Variants in PCDHGB2 observed in about 807,000 individuals in gnomAD.
PCDHGB2 encodes protocadherin gamma subfamily B, 2.
Under a neutral mutation model 59.3 loss-of-function variants are expected in PCDHGB2, and 55 were observed. The ratio of observed to expected loss-of-function variants is 0.93; its 90% confidence interval spans 0.75 to 1.16. The LOEUF is 1.16. PCDHGB2 is among the 50% of genes most tolerant of loss of function. PCDHGB2 has a pLI of 0.00. For synonymous variants in PCDHGB2, 516 were observed against 512.0 expected, an observed-to-expected ratio of 1.01 and a Z score of -0.11; for missense variants, 1,228 against 1,198.5, an observed-to-expected ratio of 1.02 and a Z score of -0.36.
intron 2 of PCDHGB2, among the ~76,000 whole-genome samples, chr5:141,497,248 G>A (rs1442942520): frequency 6.6e-6 from 1 of 152,128 alleles, no homozygotes; most frequent in African/African-American, 2.4e-5. Context: ...AGGAGGAGGT[G>A]ACATTGAGAA....
In PCDHGB2 at chr5:141,486,001, C is replaced by T. The variant is rs771993915; in HGVS notation, c.2422-8806C>T. ...ACCCGGACCTGGGTCCCAGTGGTAA[C>T]GTCACCTTTTATTTCAGTGGTCATA... On this transcript the variant is annotated intron_variant, in intron 1 of 3. Coordinates refer to ENST00000522605, the MANE Select transcript of PCDHGB2 (RefSeq NM_018923.3). This position sits in a 1 kb window ranked among gnomAD's most constrained non-coding sequence, Gnocchi z 5.0. The T allele has an allele frequency of 2.5e-6, 4 of 1,614,076 alleles. No homozygotes were observed. The highest frequency in any genetic ancestry group is 8.5e-7 in the Non-Finnish European group (1 of 1,180,032).
Position 141,414,286 on chromosome 5 carries a change from G to A in PCDHGB2, c.2421+51730G>A, listed in dbSNP as rs2095728607. ...AGATTCACCTCTGGGAACAGTCGTA[G>A]CCCTTTTAAATGTGCATGATTTAGA... On this transcript the variant is annotated intron_variant, in intron 1 of 3. Coordinates refer to ENST00000522605, the MANE Select transcript of PCDHGB2 (RefSeq NM_018923.3). 1.9e-6 allele frequency: 3 copies of A among 1,613,586 alleles called. No individual in the cohort carries two copies. The highest frequency in any genetic ancestry group is 2.5e-6 in the Non-Finnish European group (3 of 1,179,770).
In PCDHGB2 at chr5:141,360,061, T is replaced by A; in HGVS notation, c.-75T>A. 1 of 1,452,308 alleles carries A rather than the reference T, an allele frequency of 6.9e-7. No individual in the cohort carries two copies. Among genetic ancestry groups the A allele is most frequent in the Non-Finnish European group, 9.1e-7 (1 of 1,098,910 alleles). 90.0% of individuals were successfully genotyped at this position (1,452,308 alleles called of 1,614,324 possible). A position where few individuals can be genotyped will look rare whatever the true frequency, so the allele number is the denominator to read the frequency against. On this transcript the variant is annotated 5_prime_UTR_variant, in exon 1 of 4. Coordinates refer to ENST00000522605, the MANE Select transcript of PCDHGB2 (RefSeq NM_018923.3). ...AAACAGAAAACAAAAGCAGGAAAAG[T>A]GACCTTAGCCCGGATTCTGCCATCC...
Position 141,375,778 on chromosome 5 carries a change from C to G in PCDHGB2, c.2421+13222C>G. Reference sequence around the variant, plus strand: ...ACAATGCGCCCGAGATCCTGTACCCCGCCCTCCCCACAGACGGTTCCACTG... The same window carrying G: ...ACAATGCGCCCGAGATCCTGTACCCGGCCCTCCCCACAGACGGTTCCACTG... On this transcript the variant is annotated intron_variant, in intron 1 of 3. Coordinates refer to ENST00000522605, the MANE Select transcript of PCDHGB2 (RefSeq NM_018923.3). The G allele has an allele frequency of 1.9e-6, 3 of 1,614,242 alleles. No homozygotes were observed. The African/African-American group carries it at 4.0e-5, about 22-fold the overall frequency.
intron 1 of PCDHGB2, among the ~76,000 whole-genome samples, chr5:141,380,098 C>T (rs1242678914): frequency 1.3e-5 from 2 of 151,806 alleles, no homozygotes; most frequent in African/African-American, 4.8e-5. Context: ...TGGGGTTTTA[C>T]CATGATGGCC....
chr5:141,476,446 G>A lies in PCDHGB2; in HGVS notation c.2422-18361G>A. On this transcript the variant is annotated intron_variant, in intron 1 of 3. Transcript: ENST00000522605. This position sits in a 1 kb window ranked among gnomAD's most constrained non-coding sequence, Gnocchi z 7.6. Reference sequence around the variant, plus strand: ...CCTCTTGCACTGTAACTCTGGAGTTGGTAGTGGAGAACCCGCTGGAGCTGT... The same window carrying A: ...CCTCTTGCACTGTAACTCTGGAGTTAGTAGTGGAGAACCCGCTGGAGCTGT... 6.2e-7 allele frequency: 1 copy of A among 1,614,144 alleles called. No homozygotes were observed. Among genetic ancestry groups the A allele is most frequent in the South Asian group, 1.1e-5 (1 of 91,072 alleles).
chr5:141,412,343 A>T (rs928223487), intron 1 of PCDHGB2: 2 of 152,166 alleles, frequency 1.3e-5, no homozygotes, highest in African/African-American at 4.8e-5. Context: ...ATATATGTTC[A>T]TTTTAGTTTG....
At position 141,431,248 on chromosome 5, in the gene PCDHGB2, G is replaced by T. The variant is rs1213088915; in HGVS notation, c.2422-63559G>T. ...CCCACGCCTGGGATCCGGATATCGG[G>T]AAGAACTCTCTGCAGAGCTACGAGC... On this transcript the variant is annotated intron_variant, in intron 1 of 3. Coordinates refer to ENST00000522605, the MANE Select transcript of PCDHGB2 (RefSeq NM_018923.3). The surrounding 1 kb of genome is among the most constrained non-coding windows in gnomAD (Gnocchi z 4.8). 6.2e-7 allele frequency: 1 copy of T among 1,614,022 alleles called. No individual in the cohort carries two copies. The highest frequency in any genetic ancestry group is 8.5e-7 in the Non-Finnish European group (1 of 1,180,056).
chr5:141,483,661 T>TGTGTGA (rs1357903548), intron 1 of PCDHGB2, among the ~76,000 whole-genome samples: 7 of 152,042 alleles, frequency 4.6e-5, no homozygotes, highest in African/African-American at 1.7e-4. Context: ...TGTGTGTGTG[T>TGTGTGA]GTGTGTGTAA....
At chr5:141,379,148 C>A (rs1775403253) in intron 1 of PCDHGB2, 1 of 152,174 alleles carries the variant, frequency 6.6e-6, no homozygotes, top group East Asian at 1.9e-4. Flanking sequence ...TCCTTTGTAA[C>A]CTGACTTTGT....
chr5:141,491,500 G>A lies in PCDHGB2; in HGVS notation c.2422-3307G>A. ...CAGCCCCAACCTGCAGGTGAGCTCG[G>A]ACGGCACGCTCAAGTACATGGAGGT... On this transcript the variant is annotated intron_variant, in intron 1 of 3. Transcript: ENST00000522605. The surrounding 1 kb of genome is among the most constrained non-coding windows in gnomAD (Gnocchi z 6.9). 3 of 1,614,102 alleles carry A rather than the reference G, an allele frequency of 1.9e-6. No homozygotes were observed. The highest frequency in any genetic ancestry group is 2.7e-5 in the African/African-American group (2 of 75,066).
chr5:141,405,222 T>A, intron 1 of PCDHGB2: 5 of 1,613,886 alleles, frequency 3.1e-6, no homozygotes, highest in Non-Finnish European at 4.2e-6. Context: ...TCTCAGGAGT[T>A]CTCCCTCACC....
In PCDHGB2 at chr5:141,417,713, C is replaced by T. The variant is rs905298887; in HGVS notation, c.2421+55157C>T. 1.3e-4 allele frequency: 160 copies of T among 1,271,624 alleles called. No homozygotes were observed. In the Admixed American group the frequency reaches 4.6e-3, roughly 37 times the overall value. The allele number at this position is 1,271,624 out of a possible 1,614,324, so 78.8% of individuals were successfully genotyped here. On this transcript the variant is annotated intron_variant, in intron 1 of 3. Transcript: ENST00000522605. ...AAACCAGCTCCCACACAGAGGCTCC[C>T]GGCTGCGCAGACCTTGCCCAGCACA... is the stretch of plus-strand genomic sequence containing the variant.
chr5:141,417,112 G>T (rs1399534957), intron 1 of PCDHGB2: 3 of 152,030 alleles, frequency 2.0e-5, no homozygotes, highest in African/African-American at 7.3e-5. Flanking sequence ...AGCAATACAG[G>T]ACACCCTGGA....
chr5:141,491,381 C>A lies in PCDHGB2; in HGVS notation c.2422-3426C>A. On this transcript the variant is annotated intron_variant, in intron 1 of 3. Transcript: ENST00000522605. This position sits in a 1 kb window ranked among gnomAD's most constrained non-coding sequence, Gnocchi z 6.9. ...CTAGTCACCTTCACCTTTCTGTCAGCGAAGTGCCTTCAGGGAAACGCAGAC... is the reference window on the plus strand; with the variant it reads ...CTAGTCACCTTCACCTTTCTGTCAGAGAAGTGCCTTCAGGGAAACGCAGAC... 2 of 1,614,068 alleles carry A rather than the reference C, an allele frequency of 1.2e-6. No homozygotes were observed. The highest frequency in any genetic ancestry group is 1.7e-6 in the Non-Finnish European group (2 of 1,179,950).
rs966009387 is a variant in PCDHGB2, at chr5:141,511,564, G to A, written c.*391G>A. The A allele has an allele frequency of 3.0e-5, 9 of 295,900 alleles. No individual in the cohort carries two copies. The highest frequency in any genetic ancestry group is 4.6e-5 in the Non-Finnish European group (7 of 151,798). The allele number at this position is 295,900 out of a possible 1,614,324, so 18.3% of individuals were successfully genotyped here. A position where few individuals can be genotyped will look rare whatever the true frequency, so the allele number is the denominator to read the frequency against. ...CCCACTCCAACAGTTCCTCTTTCCC[G>A]AGTAAGGTGGTTGGGGTGTTGAAGT... On this transcript the variant is annotated 3_prime_UTR_variant, in exon 4 of 4. Transcript: ENST00000522605.
intron 1 of PCDHGB2, chr5:141,404,026 A>T: frequency 6.2e-7 from 1 of 1,613,874 alleles, no homozygotes; most frequent in Non-Finnish European, 8.5e-7. Context: ...CAGTGAGAGA[A>T]GACGCACCTC....
chr5:141,361,467 C>T lies in PCDHGB2; in HGVS notation c.1332C>T (p.Asp444=), dbSNP rs1431516547. 1.2e-6 allele frequency: 2 copies of T among 1,614,046 alleles called. No individual in the cohort carries two copies. The highest frequency in any genetic ancestry group is 1.3e-5 in the African/African-American group (1 of 75,066). Residue 444 remains aspartate, a synonymous_variant, in exon 1 of 4, where the codon GAC becomes GAT. Transcript: ENST00000522605. ...TAATTGTCACCCTGCACATCTCCGA[C>T]GTCAACGATAATGCCCCAGTTTTCC... ...SSIIVTLHIS[D]VNDNAPVFQQ... is the part of the protein sequence containing the mutation.
intron 1 of PCDHGB2, chr5:141,478,272 A>G: frequency 6.2e-7 from 1 of 1,614,160 alleles, no homozygotes; most frequent in Non-Finnish European, 8.5e-7. Context: ...AAAGTTTACA[A>G]GTGGAAGCAG....
Sources: gnomAD v4.1 joint callset for allele counts (sites outside exome capture counted in the v4.1 genomes callset) on GRCh38, gnomAD v4.1.1 for gene constraint, Gnocchi (gnomAD v3.1) non-coding constraint, MANE v1.5 for transcripts, NCBI Gene and HGNC (gene_info 2026-07-23, HGNC 2026-07-21) for gene names.